The following EPHA6 variants were observed in gnomAD, a reference collection of about 807,000 sequenced individuals.
EPHA6 encodes the protein EPH receptor A6, also known as ephrin type-A receptor 6.
A neutral mutation model predicts 112.0 loss-of-function variants in EPHA6; 50 were observed. The observed-to-expected ratio is 0.45, with a 90% CI of 0.36 to 0.56. The LOEUF is 0.56. Ranked by LOEUF, EPHA6 falls within the 20% of genes least tolerant of loss-of-function variation. EPHA6 has a pLI of 0.00. For synonymous variants in EPHA6, 529 were observed against 490.7 expected (o/e 1.08, Z -1.03); for missense variants, 1,280 against 1,417.4 (o/e 0.90, Z 1.56).
At chr3:97,706,904 T>C (rs553577140) in intron 14 of EPHA6, among the ~76,000 whole-genome samples, 5 of 152,170 alleles carry the variant, frequency 3.3e-5, no homozygotes, top group African/African-American at 1.2e-4. Context: ...TACTGTAACA[T>C]GAGCTCCCTG....
chr3:97,185,724 A>G (rs935444060), intron 3 of EPHA6, among the ~76,000 whole-genome samples: 2 of 152,116 alleles, frequency 1.3e-5, no homozygotes, highest in African/African-American at 4.8e-5. Context: ...TATATACCCA[A>G]AGGATTATAA....
At chr3:97,336,933 C>T (rs1210556412) in intron 5 of EPHA6, among the ~76,000 whole-genome samples, 6 of 150,698 alleles carry the variant, frequency 4.0e-5, no homozygotes, top group Admixed American at 1.3e-4. Flanking sequence ...TCTGGGATGC[C>T]GCTAAGTTGA....
chr3:97,735,799 C>T, intron 15 of EPHA6, 126 bp from the exon 16 acceptor site: 2 of 630,876 alleles, frequency 3.2e-6, no homozygotes, highest in Non-Finnish European at 5.2e-6. Flanking sequence ...TATTTAGGTC[C>T]TTGTACTCAC....
At chr3:97,104,030 C>A (rs1198413414) in intron 3 of EPHA6, among the ~76,000 whole-genome samples, 2 of 152,070 alleles carry the variant, frequency 1.3e-5, no homozygotes, top group African/African-American at 4.8e-5. Context: ...TGTTTATCAG[C>A]TGAAGGAACT....
intron 3 of EPHA6, among the ~76,000 whole-genome samples, chr3:97,184,414 C>T (rs2077067266): frequency 6.6e-6 from 1 of 152,080 alleles, no homozygotes; most frequent in Non-Finnish European, 1.5e-5. Context: ...TTCTTATACA[C>T]CAATAACAGA....
chr3:97,631,859 C>T lies in EPHA6; in HGVS notation c.2575-6014C>T, dbSNP rs541850070. On this transcript the variant is annotated intron_variant, in intron 13 of 17. Coordinates refer to ENST00000389672, the MANE Select transcript of EPHA6 (RefSeq NM_001080448.3). ...ATCTGCTTTAATAATGCACATTTTT[C>T]GGCAAGAAAGTTTGAGGGCAGTGAT... Among the ~76,000 whole-genome samples, 429 of 152,028 alleles carry T rather than the reference C, an allele frequency of 2.8e-3. 3 individuals carry two copies. The highest frequency in any genetic ancestry group is 9.7e-3 in the African/African-American group (403 of 41,508).
At chr3:97,125,588 T>C (rs933106215) in intron 3 of EPHA6, among the ~76,000 whole-genome samples, 6 of 152,214 alleles carry the variant, frequency 3.9e-5, no homozygotes, top group African/African-American at 1.4e-4. Flanking sequence ...AGATTATTTT[T>C]TGGTATCTTA....
chr3:97,215,340 TGACTGAAA>T (rs746802346), intron 3 of EPHA6, among the ~76,000 whole-genome samples: 1 of 152,244 alleles, frequency 6.6e-6, no homozygotes, highest in Non-Finnish European at 1.5e-5. Context: ...TGTGTGTATG[TGACTGAAA>T]GTCACAGGCT....
chr3:97,435,510 T>C (rs966179130), intron 6 of EPHA6, among the ~76,000 whole-genome samples: 1 of 152,194 alleles, frequency 6.6e-6, no homozygotes, highest in Admixed American at 6.5e-5. Context: ...GGACTATGCA[T>C]TGAGTTGAGC....
chr3:97,113,993 T>A (rs1300746460), intron 3 of EPHA6, among the ~76,000 whole-genome samples: 1 of 152,152 alleles, frequency 6.6e-6, no homozygotes, highest in African/African-American at 2.4e-5. Context: ...TTGCTTGGGG[T>A]ATCTTGGGAT....
At chr3:97,028,445 T>C (rs967948155) in intron 3 of EPHA6, among the ~76,000 whole-genome samples, 43 of 152,266 alleles carry the variant, frequency 2.8e-4, no homozygotes, top group African/African-American at 9.9e-4. Flanking sequence ...GTATGATCAC[T>C]ATGGATATCA....
chr3:96,930,752 G>A (rs1354376494), intron 2 of EPHA6, among the ~76,000 whole-genome samples: 5 of 152,010 alleles, frequency 3.3e-5, no homozygotes, highest in Non-Finnish European at 5.9e-5. Context: ...GGAACTTTGG[G>A]AGGCTGAGGT....
chr3:96,821,820 A>T (rs1259217541), intron 1 of EPHA6, among the ~76,000 whole-genome samples: 1 of 151,888 alleles, frequency 6.6e-6, no homozygotes, highest in Non-Finnish European at 1.5e-5. Flanking sequence ...GTCACTCAGC[A>T]ACCATAGATT....
At chr3:97,346,852 A>G (rs2108879458) in intron 5 of EPHA6, among the ~76,000 whole-genome samples, 1 of 152,214 alleles carries the variant, frequency 6.6e-6, no homozygotes, top group East Asian at 1.9e-4. Context: ...CCATGCACAT[A>G]TGAGGTATTT....
intron 14 of EPHA6, among the ~76,000 whole-genome samples, chr3:97,701,749 T>C (rs956900878): frequency 2.0e-4 from 30 of 152,218 alleles, no homozygotes; most frequent in Admixed American, 1.3e-3. Context: ...TATAGTATAA[T>C]TTATACTTGT....
At chr3:97,038,140 A>G (rs1217310445) in intron 3 of EPHA6, among the ~76,000 whole-genome samples, 3 of 152,062 alleles carry the variant, frequency 2.0e-5, no homozygotes, top group African/African-American at 7.2e-5. Context: ...TTAAATATTT[A>G]TCTTTTCGTT....
rs147109758 is a variant in EPHA6, at chr3:96,886,793, A to G, written c.450+19904A>G. 6.5e-3 allele frequency among the ~76,000 whole-genome samples: 985 copies of G among 152,190 alleles called. 7 individuals carry two copies. Among genetic ancestry groups the G allele is most frequent in the African/African-American group, 0.021 (889 of 41,534 alleles). ...TTGTTTTGTAGGTCCTATGTGATCT[A>G]TGCTTTAAAAATGTTCTGTTTTGAT... On this transcript the variant is annotated intron_variant, in intron 2 of 17. Transcript: ENST00000389672.
intron 3 of EPHA6, among the ~76,000 whole-genome samples, chr3:97,015,122 C>T (rs116763690): frequency 0.014 from 2,132 of 152,124 alleles, 60 homozygotes; most frequent in African/African-American, 0.049. Context: ...ATTTAACTCC[C>T]TTGTCATAGA....
At chr3:97,042,273 C>G (rs2612288) in intron 3 of EPHA6, among the ~76,000 whole-genome samples, 2 of 152,010 alleles carry the variant, frequency 1.3e-5, no homozygotes, top group African/African-American at 4.8e-5. Context: ...CTCTCCCACT[C>G]GTGCTCTCTC....
Sources: allele counts gnomAD v4.1 joint callset (sites outside exome capture counted in the v4.1 genomes callset), GRCh38; gene constraint gnomAD v4.1.1; transcripts MANE v1.5; gene names NCBI Gene and HGNC (gene_info 2026-07-23, HGNC 2026-07-21).